The following ZFPM2 variants were observed in gnomAD, a reference collection of about 807,000 sequenced individuals.
The protein encoded by ZFPM2 is zinc finger protein ZFPM2.
In ZFPM2, 20 loss-of-function variants were observed where a neutral mutation model predicts 98.6. The observed-to-expected ratio is 0.20, with a 90% CI of 0.14 to 0.29. ZFPM2 has a LOEUF of 0.29. ZFPM2 is among the 10% of genes least tolerant of loss of function. The pLI, the probability that ZFPM2 is intolerant of heterozygous loss-of-function variation, is 1.00. For synonymous variants in ZFPM2, 518 were observed against 502.7 expected, an observed-to-expected ratio of 1.03 and a Z score of -0.41; for missense variants, 1,310 against 1,388.6, an observed-to-expected ratio of 0.94 and a Z score of 0.90.
At chr8:105,770,941 T>A (rs1812966852) in intron 5 of ZFPM2, among the ~76,000 whole-genome samples, 1 of 152,140 alleles carries the variant, frequency 6.6e-6, no homozygotes, top group African/African-American at 2.4e-5. Flanking sequence ...TCTAGGGAGC[T>A]ATATCTAGAT....
Position 105,380,646 on chromosome 8 carries a change from T to G in ZFPM2, c.41-38498T>G, listed in dbSNP as rs1253631367. 3.1e-4 allele frequency among the ~76,000 whole-genome samples: 4 copies of G among 12,940 alleles called. 1 individual carries two copies. Among genetic ancestry groups the G allele is most frequent in the Non-Finnish European group, 5.5e-4 (4 of 7,316 alleles). 8.5% of individuals were successfully genotyped at this position (12,940 alleles called of 152,430 possible). ...TATAACATATATATTATATATATAT[T>G]ATATATATATATTATATATAACATA... On this transcript the variant is annotated intron_variant, in intron 1 of 7. Transcript: ENST00000407775.
At chr8:105,439,323 G>T (rs887844628) in intron 2 of ZFPM2, among the ~76,000 whole-genome samples, 1 of 152,178 alleles carries the variant, frequency 6.6e-6, no homozygotes, top group African/African-American at 2.4e-5. Flanking sequence ...TTATTCAGGT[G>T]TTCATGGTTC....
intron 3 of ZFPM2, among the ~76,000 whole-genome samples, chr8:105,449,607 A>G (rs1812446573): frequency 6.6e-6 from 1 of 152,004 alleles, no homozygotes; most frequent in African/African-American, 2.4e-5. Flanking sequence ...ATCAAAGGTA[A>G]ATTATTTTGG....
intron 4 of ZFPM2, among the ~76,000 whole-genome samples, chr8:105,632,244 A>C (rs573656991): frequency 6.6e-6 from 1 of 152,278 alleles, no homozygotes; most frequent in Admixed American, 6.5e-5. Flanking sequence ...ATCTTGGCTC[A>C]CTGCAACCTC....
intron 3 of ZFPM2, among the ~76,000 whole-genome samples, chr8:105,483,078 C>G (rs1586405101): frequency 1.4e-5 from 2 of 139,006 alleles, no homozygotes; most frequent in Admixed American, 1.5e-4. Flanking sequence ...CCAGGCTGGT[C>G]TTAAACTCCT....
intron 4 of ZFPM2, among the ~76,000 whole-genome samples, chr8:105,603,443 T>C (rs1349808741): frequency 6.6e-6 from 1 of 152,126 alleles, no homozygotes; most frequent in Non-Finnish European, 1.5e-5. Flanking sequence ...TGAATTGTAG[T>C]ATGGACAAGC....
chr8:105,794,511 G>A (rs930358957), intron 6 of ZFPM2, among the ~76,000 whole-genome samples: 4 of 152,220 alleles, frequency 2.6e-5, no homozygotes, highest in Non-Finnish European at 5.9e-5. Context: ...TCCCAGTTAG[G>A]CTGCTCAGGG....
chr8:105,623,170 T>C (rs1816586752), intron 4 of ZFPM2, among the ~76,000 whole-genome samples: 1 of 152,184 alleles, frequency 6.6e-6, no homozygotes, highest in African/African-American at 2.4e-5. Context: ...TTTTATTTTT[T>C]TTGCACCTGA....
chr8:105,404,992 T>C (rs1811412265), intron 1 of ZFPM2, among the ~76,000 whole-genome samples: 1 of 152,088 alleles, frequency 6.6e-6, no homozygotes, highest in Admixed American at 6.6e-5. Flanking sequence ...CCCCACAATT[T>C]ATTCATGAGC....
intron 4 of ZFPM2, among the ~76,000 whole-genome samples, chr8:105,579,245 C>T (rs1031211952): frequency 6.6e-6 from 1 of 152,170 alleles, no homozygotes; most frequent in African/African-American, 2.4e-5. Context: ...TGATTTTAAG[C>T]ATTTAGCATC....
intron 5 of ZFPM2, among the ~76,000 whole-genome samples, chr8:105,725,587 T>TA (rs1228316932): frequency 6.6e-6 from 1 of 151,766 alleles, no homozygotes; most frequent in Non-Finnish European, 1.5e-5. Context: ...AATCAGGATG[T>TA]ATGGTAACCT....
At chr8:105,783,077 A>G (rs546840728) in intron 5 of ZFPM2, among the ~76,000 whole-genome samples, 2 of 152,174 alleles carry the variant, frequency 1.3e-5, no homozygotes, top group South Asian at 2.1e-4. Flanking sequence ...AAGACTTAAT[A>G]TGGCCAAATA....
chr8:105,335,498 A>G (rs537277910), intron 1 of ZFPM2, among the ~76,000 whole-genome samples: 1 of 151,826 alleles, frequency 6.6e-6, no homozygotes, highest in East Asian at 1.9e-4. Flanking sequence ...TTGGGAAAAA[A>G]GTTAATCTCT....
intron 4 of ZFPM2, among the ~76,000 whole-genome samples, chr8:105,598,996 A>G (rs1370659032): frequency 3.3e-5 from 5 of 152,188 alleles, no homozygotes; most frequent in Non-Finnish European, 7.3e-5. Context: ...TTCCTAAATC[A>G]GATTCTAATC....
At chr8:105,481,605 T>C (rs1490157253) in intron 3 of ZFPM2, among the ~76,000 whole-genome samples, 1 of 152,186 alleles carries the variant, frequency 6.6e-6, no homozygotes, top group Non-Finnish European at 1.5e-5. Context: ...GAATTAGGGC[T>C]TCCACATAGG....
rs1467330832 is a variant in ZFPM2 at position 105,536,512 on chromosome 8, A to T, written c.302-24851A>T. 2.6e-5 allele frequency among the ~76,000 whole-genome samples: 4 copies of T among 152,104 alleles called. No individual in the cohort carries two copies. In the East Asian group the frequency reaches 7.7e-4, roughly 29 times the overall value. ...GTTTCATAATGCTCAAAAAGAAAAC[A>T]GATTTCTGTTAAGAACTACTTTTAT... On this transcript the variant is annotated intron_variant, in intron 3 of 7. Transcript: ENST00000407775.
chr8:105,668,342 C>T (rs1563513247), intron 5 of ZFPM2, among the ~76,000 whole-genome samples: 1 of 152,174 alleles, frequency 6.6e-6, no homozygotes, highest in African/African-American at 2.4e-5. Flanking sequence ...TAATTTAGCT[C>T]TAGCTACTAA....
intron 1 of ZFPM2, among the ~76,000 whole-genome samples, chr8:105,365,352 A>G (rs1810486653): frequency 1.3e-5 from 2 of 152,172 alleles, no homozygotes; most frequent in Non-Finnish European, 1.5e-5. Flanking sequence ...TGCTGAGAAC[A>G]TGTTTGCTGG....
intron 2 of ZFPM2, among the ~76,000 whole-genome samples, chr8:105,427,281 T>C (rs1294574811): frequency 6.6e-6 from 1 of 152,152 alleles, no homozygotes; most frequent in Non-Finnish European, 1.5e-5. Context: ...ATTTCAGATA[T>C]ATCATCATAA....
Sources: allele counts gnomAD v4.1 joint callset (sites outside exome capture counted in the v4.1 genomes callset), GRCh38; gene constraint gnomAD v4.1.1; transcripts MANE v1.5; gene names NCBI Gene and HGNC (gene_info 2026-07-23, HGNC 2026-07-21).